The following EFCAB8 variants were observed in gnomAD, a reference collection of about 807,000 sequenced individuals.
EFCAB8 encodes the protein EF-hand calcium binding domain 8.
In EFCAB8, 100 loss-of-function variants were observed where a neutral mutation model predicts 116.3. The ratio of observed to expected loss-of-function variants is 0.86; its 90% CI spans 0.73 to 1.02. The LOEUF is 1.02. Ranked by LOEUF, EFCAB8 falls within the 50% of genes least tolerant of loss-of-function variation. The pLI is 0.00. For missense variants in EFCAB8, 1,320 were observed against 1,416.9 expected (o/e 0.93, Z 1.10); for synonymous variants, 558 against 567.9 (o/e 0.98, Z 0.25).
chr20:32,917,117 A>C (rs1987223562), intron 17 of EFCAB8, 184 bp from the exon 18 acceptor site: 1 of 594,496 alleles, frequency 1.7e-6, no homozygotes, highest in Admixed American at 3.0e-5. Context: ...GGGCCTTTGT[A>C]GAAAGCATGT....
intron 23 of EFCAB8, among the ~76,000 whole-genome samples, chr20:32,957,757 C>T (rs73116392): frequency 0.012 from 1,799 of 152,024 alleles, 16 homozygotes; most frequent in Non-Finnish European, 0.017. Context: ...TCATTCAGCC[C>T]GTGTGTAGAC....
chr20:32,948,886 A>G (rs940958569), intron 23 of EFCAB8, among the ~76,000 whole-genome samples: 1 of 152,220 alleles, frequency 6.6e-6, no homozygotes, highest in South Asian at 2.1e-4. Context: ...GAAAAAACCT[A>G]AAACTAGCTT....
intron 11 of EFCAB8, among the ~76,000 whole-genome samples, chr20:32,900,078 G>T (rs992227220): frequency 6.6e-6 from 1 of 152,096 alleles, no homozygotes; most frequent in African/African-American, 2.4e-5. Flanking sequence ...GAGTCTTTTT[G>T]GGGGAACAGC....
chr20:32,859,038 C>T (rs149159979), intron 1 of EFCAB8, 32 bp downstream of exon 1: 2 of 471,120 alleles, frequency 4.2e-6, no homozygotes, highest in African/African-American at 4.0e-5. Flanking sequence ...AAGTTGCTCT[C>T]CAAAAGATTG....
At position 32,906,879 on chromosome 20, in the gene EFCAB8, AC is replaced by A. The variant is rs776754733; in HGVS notation, c.1197del (p.Phe400LeufsTer9). ...TACGATGCCTTCATCCGCCTGTGGAACCCCTTTGTCTCAAAGAGGCCCGTGT... is the reference window on the plus strand; with the variant it reads ...TACGATGCCTTCATCCGCCTGTGGAACCCTTTGTCTCAAAGAGGCCCGTGT... ...GGYDAFIRLW[N>X]PFVSKRPVWL... is the part of the protein sequence containing the mutation. On this transcript the variant is annotated frameshift_variant, in exon 13 of 27. Coordinates refer to ENST00000400522, the MANE Select transcript of EFCAB8 (RefSeq NM_001143967.2). LOFTEE classifies it high-confidence loss of function. 9 of 1,544,816 alleles carry A rather than the reference AC, an allele frequency of 5.8e-6. No homozygotes were observed. The South Asian group carries it at 1.1e-4, about 18-fold the overall frequency.
At position 32,961,552 on chromosome 20, in the gene EFCAB8, G is replaced by A; in HGVS notation, c.3810G>A (p.Arg1270=). 7.1e-7 allele frequency: 1 copy of A among 1,403,280 alleles called. No individual in the cohort carries two copies. The highest frequency in any genetic ancestry group is 1.8e-4 in the Middle Eastern group (1 of 5,406). The allele number at this position is 1,403,280 out of a possible 1,614,324, so 86.9% of individuals were successfully genotyped here. A position where few individuals can be genotyped will look rare whatever the true frequency, so the allele number is the denominator to read the frequency against. Residue 1270 remains arginine, a synonymous_variant, in exon 27 of 27, where the codon AGG becomes AGA. Coordinates refer to ENST00000400522, the MANE Select transcript of EFCAB8 (RefSeq NM_001143967.2). ...TCTCCTCCTTCGAGCGGCCCCCAAG[G>A]CCTCTGAAGGCCACCTTCATGTCCT... ...HIVSSFERPP[R]PLKATFMSSV...
chr20:32,935,492 A>G (rs1988084111), intron 22 of EFCAB8, among the ~76,000 whole-genome samples: 1 of 145,762 alleles, frequency 6.9e-6, no homozygotes, highest in East Asian at 2.1e-4. Context: ...GAGCCACTGC[A>G]CCTGGCCACT....
At chr20:32,930,299 C>A in intron 20 of EFCAB8, 99 bp from the exon 21 acceptor site, 1 of 1,006,262 alleles carries the variant, frequency 9.9e-7, no homozygotes, top group Non-Finnish European at 1.4e-6. Context: ...ATCTAGGAAA[C>A]TGGGGGACCA....
rs528064894 is a variant in EFCAB8 at position 32,909,087 on chromosome 20, G to A, written c.1446+675G>A. On this transcript the variant is annotated intron_variant, in intron 14 of 26. Transcript: ENST00000400522. ...GAGCAGAAGCCCAGAAAAGAGATGC[G>A]GGGGCCGCTCGTGCTTGAGCTCCAC... 9.2e-5 allele frequency among the ~76,000 whole-genome samples: 14 copies of A among 152,320 alleles called. No individual in the cohort carries two copies. The South Asian group carries it at 1.0e-3, about 11-fold the overall frequency.
chr20:32,950,115 C>T (rs1052499525), intron 23 of EFCAB8, among the ~76,000 whole-genome samples: 5 of 152,176 alleles, frequency 3.3e-5, no homozygotes, highest in Admixed American at 6.5e-5. Context: ...ACCTTTGTGA[C>T]CTTGGTTTAG....
chr20:32,911,581 G>C lies in EFCAB8; in HGVS notation c.1659G>C (p.Met553Ile). The change falls in exon 16 of 27, where the codon ATG becomes ATC. Residue 553 changes from methionine (M) to isoleucine (I), a missense_variant. By Grantham distance (10) the Met-to-Ile change is conservative (BLOSUM62 1). Transcript: ENST00000400522. ...FAVSGGQHVE[M>I]TAMALDESER... is the part of the protein sequence containing the mutation. ...TGTCTGGGGGCCAGCACGTGGAGAT[G>C]ACCGCCATGGCCCTGGATGAGTCAG... The C allele has an allele frequency of 6.5e-7, 1 of 1,548,000 alleles. No individual in the cohort carries two copies. Among genetic ancestry groups the C allele is most frequent in the East Asian group, 2.4e-5 (1 of 40,838 alleles).
chr20:32,946,578 G>A (rs1171079367), intron 23 of EFCAB8, among the ~76,000 whole-genome samples: 2 of 152,052 alleles, frequency 1.3e-5, no homozygotes, highest in South Asian at 2.1e-4. Flanking sequence ...TTTCAAAGAC[G>A]TCTTTGACTA....
chr20:32,881,822 T>C (rs1985353972), intron 5 of EFCAB8, among the ~76,000 whole-genome samples: 1 of 152,156 alleles, frequency 6.6e-6, no homozygotes, highest in Non-Finnish European at 1.5e-5. Flanking sequence ...TAACCCCCAT[T>C]TTGCCAGATG....
At chr20:32,909,544 T>G (rs1281459958) in intron 14 of EFCAB8, among the ~76,000 whole-genome samples, 1 of 151,890 alleles carries the variant, frequency 6.6e-6, no homozygotes, top group African/African-American at 2.4e-5. Context: ...GGCTTCAGCT[T>G]CTCAGAAGTT....
chr20:32,898,505 A>C lies in EFCAB8; in HGVS notation c.970A>C (p.Asn324His), dbSNP rs1478500302. 19 of 718,196 alleles carry C rather than the reference A, an allele frequency of 2.6e-5. No individual in the cohort carries two copies. 44.5% of individuals were successfully genotyped at this position (718,196 alleles called of 1,614,324 possible). Residue 324 changes from asparagine (N) to histidine (H), a missense_variant, in exon 11 of 27, where the codon AAC (asparagine) becomes CAC (histidine). Physicochemically the swap from Asn to His is moderately conservative, Grantham distance 68. Transcript: ENST00000400522. ...ACTGTCTTCCCAGGCTCTCCATCCC[A>C]ACTGGTGTGAGCAGGTCAAGTTCAT... ...RSYRLKALHP[N>H]WCEQVKFIPQ...
chr20:32,873,595 G>C (rs1984796265), intron 3 of EFCAB8, among the ~76,000 whole-genome samples: 1 of 149,828 alleles, frequency 6.7e-6, no homozygotes, highest in Admixed American at 6.7e-5. Context: ...GGTGTGGTAG[G>C]CTCACACCTG....
At chr20:32,913,930 C>T (rs1051159236) in intron 17 of EFCAB8, among the ~76,000 whole-genome samples, 1 of 152,240 alleles carries the variant, frequency 6.6e-6, no homozygotes, top group Admixed American at 6.5e-5. Context: ...CTTTGCCTGG[C>T]AAGTGACTGG....
intron 5 of EFCAB8, 131 bp from the exon 6 acceptor site, chr20:32,885,372 GCA>G (rs2146201938): frequency 5.0e-6 from 6 of 1,199,480 alleles, no homozygotes; most frequent in Non-Finnish European, 7.0e-6. Flanking sequence ...TATGGCGTGC[GCA>G]TGTGCGTGCG....
intron 23 of EFCAB8, among the ~76,000 whole-genome samples, chr20:32,952,482 C>T (rs1194903183): frequency 6.6e-6 from 1 of 152,104 alleles, no homozygotes; most frequent in Non-Finnish European, 1.5e-5. Flanking sequence ...GCCACTTGTT[C>T]CAGCACTATT....
Sources: allele counts gnomAD v4.1 joint callset (sites outside exome capture counted in the v4.1 genomes callset), GRCh38; gene constraint gnomAD v4.1.1; transcripts MANE v1.5; gene names NCBI Gene and HGNC (gene_info 2026-07-23, HGNC 2026-07-21).